Variants in LRRN2 observed in about 807,000 individuals in gnomAD.
LRRN2 encodes leucine-rich repeat neuronal protein 2.
Under a neutral mutation model 35.7 loss-of-function variants are expected in LRRN2, and 10 were observed. That is an observed-to-expected ratio of 0.28 (90% CI 0.17 to 0.47). The LOEUF (loss-of-function observed/expected upper bound fraction) is 0.47. LRRN2 is among the 20% of genes least tolerant of loss of function. LRRN2 has a pLI of 0.99. For synonymous variants in LRRN2, 391 were observed against 409.6 expected (o/e 0.95, Z 0.55); for missense variants, 731 against 940.3 (o/e 0.78, Z 2.91).
intron 1 of LRRN2, among the ~76,000 whole-genome samples, chr1:204,639,066 G>A (rs61817490): frequency 0.13 from 19,848 of 152,200 alleles, 1,464 homozygotes; most frequent in South Asian, 0.27. Context: ...TGGAGAGGGC[G>A]ATAGGCCTCT....
chr1:204,672,932 A>G (rs1369064823), intron 1 of LRRN2, among the ~76,000 whole-genome samples: 1 of 152,220 alleles, frequency 6.6e-6, no homozygotes, highest in African/African-American at 2.4e-5. Flanking sequence ...ATCTCACTGC[A>G]CACCATCCAG....
chr1:204,651,614 C>G (rs186698496), intron 1 of LRRN2, among the ~76,000 whole-genome samples: 1 of 152,230 alleles, frequency 6.6e-6, no homozygotes, highest in East Asian at 1.9e-4. Context: ...CCAAAACCCC[C>G]CAGCCCCAGG....
chr1:204,684,330 G>T (rs1669019059), intron 1 of LRRN2, among the ~76,000 whole-genome samples: 2 of 152,130 alleles, frequency 1.3e-5, no homozygotes, highest in African/African-American at 2.4e-5. Flanking sequence ...TAGAAGCTGC[G>T]TTGGCTCCAA....
At chr1:204,651,185 C>G (rs1339395718) in intron 1 of LRRN2, among the ~76,000 whole-genome samples, 1 of 152,152 alleles carries the variant, frequency 6.6e-6, no homozygotes, top group Non-Finnish European at 1.5e-5. Flanking sequence ...CGAGGACCAC[C>G]CTCAGCTGCC....
chr1:204,646,027 G>A (rs1273213835), intron 1 of LRRN2, among the ~76,000 whole-genome samples: 1 of 152,152 alleles, frequency 6.6e-6, no homozygotes, highest in East Asian at 1.9e-4. Flanking sequence ...GGCCTTTAGA[G>A]ACCTGTCATC....
chr1:204,683,757 C>T (rs1669004305), intron 1 of LRRN2, among the ~76,000 whole-genome samples: 1 of 152,186 alleles, frequency 6.6e-6, no homozygotes, highest in Non-Finnish European at 1.5e-5. Flanking sequence ...AGAGAGAGCC[C>T]TCCGCAAGAA....
At chr1:204,667,161 G>A (rs149269898) in intron 1 of LRRN2, among the ~76,000 whole-genome samples, 1 of 152,250 alleles carries the variant, frequency 6.6e-6, no homozygotes, top group African/African-American at 2.4e-5. Context: ...TAGCTTGATT[G>A]TGGTGGATTT....
Position 204,619,640 on chromosome 1 carries a change from T to C in LRRN2, c.353A>G (p.Gln118Arg). The C allele has an allele frequency of 1.9e-6, 3 of 1,614,158 alleles. No individual in the cohort carries two copies. The highest frequency in any genetic ancestry group is 2.5e-6 in the Non-Finnish European group (3 of 1,180,032). ...CTCCTCTAGGTGCAGGCTCAGCAGC[T>C]GGGGCAGGGCATGGAAATCACAGTC... ...ARDCDFHALP[Q>R]LLSLHLEENQ... The change falls in exon 2 of 2, where the codon CAG (glutamine) becomes CGG (arginine). Residue 118 changes from glutamine to arginine, a missense_variant. Coordinates refer to ENST00000367177, the MANE Select transcript of LRRN2 (RefSeq NM_201630.2).
chr1:204,654,778 G>A (rs756043809), intron 1 of LRRN2, among the ~76,000 whole-genome samples: 3 of 152,216 alleles, frequency 2.0e-5, no homozygotes, highest in African/African-American at 4.8e-5. Context: ...CATGAGAGCT[G>A]ATGGAGCTCA....
At chr1:204,679,147 C>G (rs1415471508) in intron 1 of LRRN2, among the ~76,000 whole-genome samples, 1 of 152,186 alleles carries the variant, frequency 6.6e-6, no homozygotes, top group African/African-American at 2.4e-5. Flanking sequence ...TGGGCAGGCA[C>G]TTTCTCAGGC....
intron 1 of LRRN2, among the ~76,000 whole-genome samples, chr1:204,655,703 A>T (rs1253879804): frequency 6.6e-6 from 1 of 151,966 alleles, no homozygotes; most frequent in Non-Finnish European, 1.5e-5. Context: ...CTGGGAATAG[A>T]TACAAGATGA....
rs1395824334 is a variant in LRRN2, at chr1:204,685,612, A to G, written c.-519T>C. 1 of 151,640 alleles carries G rather than the reference A, an allele frequency of 6.6e-6. No individual in the cohort carries two copies. The highest frequency in any genetic ancestry group is 1.5e-5 in the Non-Finnish European group (1 of 67,900). The allele number at this position is 151,640 out of a possible 1,614,324, so 9.4% of individuals were successfully genotyped here. ...GCGGGCGAGAGCCAGGCGCTCCTTG[A>G]GAGCGCCGCGCGTTCGCAGGTGCCC... On this transcript the variant is annotated 5_prime_UTR_variant, in exon 1 of 2. Transcript: ENST00000367177.
At chr1:204,623,420 C>T (rs540342655) in intron 1 of LRRN2, among the ~76,000 whole-genome samples, 6 of 152,348 alleles carry the variant, frequency 3.9e-5, no homozygotes, top group African/African-American at 1.2e-4. Flanking sequence ...GGTCGTGGCT[C>T]CTGGGCCGGG....
At chr1:204,679,864 C>T (rs1668907289) in intron 1 of LRRN2, among the ~76,000 whole-genome samples, 1 of 152,214 alleles carries the variant, frequency 6.6e-6, no homozygotes, top group East Asian at 1.9e-4. Context: ...ATATCACACC[C>T]TGCAGGAGCA....
chr1:204,646,327 CGTGT>C lies in LRRN2; in HGVS notation c.-226-26113_-226-26110del, dbSNP rs138342018. 4.9e-3 allele frequency among the ~76,000 whole-genome samples: 751 copies of C among 151,960 alleles called. 19 individuals are homozygous for C. The East Asian group carries it at 0.093, about 19-fold the overall frequency. ...ATGCTTTCTTGGGGTAGGCTGTGTG[CGTGT>C]GTGTGTTATTTTTCGTTTAGTTTTT... On this transcript the variant is annotated intron_variant, in intron 1 of 1. Coordinates refer to ENST00000367177, the MANE Select transcript of LRRN2 (RefSeq NM_201630.2).
intron 1 of LRRN2, among the ~76,000 whole-genome samples, chr1:204,645,493 GT>G (rs1316197999): frequency 2.6e-5 from 4 of 152,126 alleles, no homozygotes; most frequent in African/African-American, 9.7e-5. Context: ...TCACAGTAGG[GT>G]TTAGGTCGAC....
intron 1 of LRRN2, among the ~76,000 whole-genome samples, chr1:204,666,126 T>C (rs1045770308): frequency 6.6e-6 from 1 of 152,266 alleles, no homozygotes; most frequent in African/African-American, 2.4e-5. Context: ...CCAAAAGCTC[T>C]GGGCATTTTA....
chr1:204,638,503 C>A (rs921493139), intron 1 of LRRN2, among the ~76,000 whole-genome samples: 1 of 148,314 alleles, frequency 6.7e-6, no homozygotes, highest in Non-Finnish European at 1.5e-5. Context: ...CCTCCGCCCT[C>A]TAGGTTTAAG....
At chr1:204,648,064 C>T (rs1284322886) in intron 1 of LRRN2, among the ~76,000 whole-genome samples, 1 of 152,148 alleles carries the variant, frequency 6.6e-6, no homozygotes, top group Non-Finnish European at 1.5e-5. Flanking sequence ...GTTCAAATCC[C>T]ACCTCCACCA....
Sources: allele counts gnomAD v4.1 joint callset (sites outside exome capture counted in the v4.1 genomes callset), GRCh38; gene constraint gnomAD v4.1.1; transcripts MANE v1.5; gene names NCBI Gene and HGNC (gene_info 2026-07-23, HGNC 2026-07-21).